Variants in ZCCHC7 observed in about 807,000 individuals in gnomAD.
ZCCHC7 encodes the protein zinc finger CCHC-type containing 7.
ZCCHC7 carries 35 observed loss-of-function variants against 52.0 expected under a neutral mutation model. The ratio of observed to expected loss-of-function variants is 0.67; its 90% CI spans 0.51 to 0.89. ZCCHC7 has a LOEUF of 0.89. Among genes scored for constraint, ZCCHC7 ranks in the 40% least tolerant of loss-of-function variants. The probability of loss-of-function intolerance (pLI) is 0.00; values close to 1 mark genes in which losing one functional copy is unlikely to be tolerated. For missense variants in ZCCHC7, 574 were observed against 649.1 expected, an observed-to-expected ratio of 0.88 and a Z score of 1.26; for synonymous variants, 217 against 221.5, an observed-to-expected ratio of 0.98 and a Z score of 0.18.
intron 1 of ZCCHC7, among the ~76,000 whole-genome samples, chr9:37,122,721 C>T (rs1365737610): frequency 1.3e-5 from 2 of 152,204 alleles, no homozygotes; most frequent in Admixed American, 6.5e-5. Flanking sequence ...GGGCGGATCA[C>T]GAGGTCAGGA....
At chr9:37,351,382 T>C (rs1432104789) in intron 7 of ZCCHC7, among the ~76,000 whole-genome samples, 1 of 152,170 alleles carries the variant, frequency 6.6e-6, no homozygotes, top group Non-Finnish European at 1.5e-5. Flanking sequence ...CTCAGCTCAC[T>C]GCAGCTTTGA....
At chr9:37,351,399 A>G (rs1821370729) in intron 7 of ZCCHC7, among the ~76,000 whole-genome samples, 1 of 152,050 alleles carries the variant, frequency 6.6e-6, no homozygotes, top group Admixed American at 6.5e-5. Flanking sequence ...TTGACCTCCC[A>G]GGCTCAAGTG....
intron 6 of ZCCHC7, among the ~76,000 whole-genome samples, chr9:37,340,425 A>T (rs1364666541): frequency 1.3e-5 from 2 of 151,886 alleles, no homozygotes; most frequent in East Asian, 3.9e-4. Flanking sequence ...AAAAAAAGAA[A>T]TACAAAAGGC....
upstream of ZCCHC7, among the ~76,000 whole-genome samples, chr9:37,120,214 C>G (rs1176449752): frequency 6.6e-6 from 1 of 152,188 alleles, no homozygotes; most frequent in Non-Finnish European, 1.5e-5. Context: ...CGGCCTCAAC[C>G]TCGCCCGTGT....
intron 1 of ZCCHC7, among the ~76,000 whole-genome samples, chr9:37,123,395 C>G (rs1354165037): frequency 6.6e-6 from 1 of 152,122 alleles, no homozygotes; most frequent in African/African-American, 2.4e-5. Flanking sequence ...ACGTTATGCC[C>G]AGCACAATTT....
chr9:37,260,754 C>A (rs1354462610), intron 2 of ZCCHC7, among the ~76,000 whole-genome samples: 1 of 152,162 alleles, frequency 6.6e-6, no homozygotes, highest in East Asian at 1.9e-4. Context: ...ATGCTACCTT[C>A]TTAGTAAGAC....
chr9:37,340,836 C>CT (rs1820591014), intron 6 of ZCCHC7, among the ~76,000 whole-genome samples: 1 of 152,014 alleles, frequency 6.6e-6, no homozygotes, highest in Non-Finnish European at 1.5e-5. Context: ...CTATTAAGCC[C>CT]TAGTACATGA....
chr9:37,304,793 T>C (rs2086916302), intron 4 of ZCCHC7, among the ~76,000 whole-genome samples: 1 of 152,206 alleles, frequency 6.6e-6, no homozygotes, highest in Admixed American at 6.5e-5. Flanking sequence ...CAGAAAAATG[T>C]GGAATCAATT....
chr9:37,207,516 T>G (rs1426180293), intron 2 of ZCCHC7, among the ~76,000 whole-genome samples: 2 of 99,304 alleles, frequency 2.0e-5, no homozygotes, highest in Non-Finnish European at 4.2e-5. Flanking sequence ...TTTTTTTTTT[T>G]GCCTTGTGTT....
In ZCCHC7 at chr9:37,305,839, AT is replaced by A. The variant is rs1829277137; in HGVS notation, c.951+126del. The A allele has an allele frequency of 5.6e-5, 47 of 842,036 alleles. No individual in the cohort carries two copies. The South Asian group carries it at 8.2e-4, about 15-fold the overall frequency. The allele number at this position is 842,036 out of a possible 1,614,324, so 52.2% of individuals were successfully genotyped here. A position where few individuals can be genotyped will look rare whatever the true frequency, so the allele number is the denominator to read the frequency against. On this transcript the variant is annotated intron_variant, in intron 5 of 8. Transcript: ENST00000336755. ...GGAATGTTTACTCCGTGAGATATAT[AT>A]ATATATATATAGTCATGTCCATTTT...
intron 6 of ZCCHC7, among the ~76,000 whole-genome samples, chr9:37,348,317 G>A (rs972932526): frequency 7.6e-5 from 11 of 145,024 alleles, no homozygotes; most frequent in African/African-American, 2.2e-4. Flanking sequence ...CATTCCCCAC[G>A]TCTTTTCAAT....
intron 2 of ZCCHC7, among the ~76,000 whole-genome samples, chr9:37,212,455 T>TA (rs967669876): frequency 3.3e-5 from 5 of 152,116 alleles, no homozygotes; most frequent in African/African-American, 1.2e-4. Context: ...AGCAGATCTT[T>TA]AAAAAAAATT....
At chr9:37,216,449 C>T (rs1248381371) in intron 2 of ZCCHC7, among the ~76,000 whole-genome samples, 2 of 152,092 alleles carry the variant, frequency 1.3e-5, no homozygotes, top group Non-Finnish European at 2.9e-5. Context: ...CCGAGGTGGG[C>T]GGATCACTTG....
At chr9:37,275,065 A>G (rs1241647983) in intron 2 of ZCCHC7, among the ~76,000 whole-genome samples, 1 of 152,246 alleles carries the variant, frequency 6.6e-6, no homozygotes, top group African/African-American at 2.4e-5. Flanking sequence ...TCTTTCTAGC[A>G]TGTTCTTCTC....
rs117052597 is a variant in ZCCHC7, at chr9:37,226,033, A to G, written c.611-76155A>G. Among the ~76,000 whole-genome samples the G allele has an allele frequency of 3.9e-5, 6 of 152,358 alleles. No homozygotes were observed. In the East Asian group the frequency reaches 1.2e-3, roughly 29 times the overall value. On this transcript the variant is annotated intron_variant, in intron 2 of 8. Transcript: ENST00000336755. The stretch of plus-strand genomic sequence containing the variant: ...ATCTTTAGTTGCAGTTGACATAAAA[A>G]TCTAGTTAGAAAATTGGAGAGAATC...
chr9:37,247,066 A>G (rs1826111965), intron 2 of ZCCHC7, among the ~76,000 whole-genome samples: 1 of 152,074 alleles, frequency 6.6e-6, no homozygotes, highest in Non-Finnish European at 1.5e-5. Context: ...GTTATCTTTG[A>G]CAGATACCTC....
chr9:37,350,119 GTT>G (rs775985212), intron 7 of ZCCHC7, among the ~76,000 whole-genome samples: 2 of 119,244 alleles, frequency 1.7e-5, no homozygotes, highest in Non-Finnish European at 1.8e-5. Context: ...TTTGGGGTTT[GTT>G]TTTTTTTTTT....
chr9:37,316,607 G>A (rs1829835050), intron 5 of ZCCHC7, among the ~76,000 whole-genome samples: 1 of 152,092 alleles, frequency 6.6e-6, no homozygotes, highest in Admixed American at 6.6e-5. Flanking sequence ...TTACAGGCAT[G>A]AGCCAATGTG....
chr9:37,339,763 T>A (rs190155784), intron 6 of ZCCHC7, among the ~76,000 whole-genome samples: 2 of 152,332 alleles, frequency 1.3e-5, no homozygotes, highest in East Asian at 3.9e-4. Context: ...TTTAAGCATA[T>A]GTGTGATTAT....
Sources: gnomAD v4.1 joint callset for allele counts (sites outside exome capture counted in the v4.1 genomes callset) on GRCh38, gnomAD v4.1.1 for gene constraint, MANE v1.5 for transcripts, NCBI Gene and HGNC (gene_info 2026-07-23, HGNC 2026-07-21) for gene names.